GNB1: variants seen among roughly 807,000 people sequenced by gnomAD.
GNB1 encodes guanine nucleotide-binding protein G(I)/G(S)/G(T) subunit beta-1.
Under a neutral mutation model 42.9 loss-of-function variants are expected in GNB1, and 2 were observed. The observed-to-expected ratio is 0.05, with a 90% CI of 0.02 to 0.15. The LOEUF is 0.15. Among genes scored for constraint, GNB1 ranks in the 10% least tolerant of loss-of-function variants. GNB1 has a pLI of 1.00. For missense variants in GNB1, 193 were observed against 462.2 expected (o/e 0.42, Z 5.34); for synonymous variants, 183 against 174.7 (o/e 1.05, Z -0.38).
intron 3 of GNB1, chr1:1,818,535 G>C: frequency 6.6e-6 from 1 of 151,884 alleles, no homozygotes; most frequent in East Asian, 1.9e-4. Context: ...AACAAAGTGA[G>C]ACCTTGTCTC....
chr1:1,880,225 G>GC (rs1267943785), intron 1 of GNB1, among the ~76,000 whole-genome samples: 1 of 152,142 alleles, frequency 6.6e-6, no homozygotes, highest in African/African-American at 2.4e-5. Flanking sequence ...GAGCTACCAT[G>GC]CCCAGCCAAG....
chr1:1,877,284 G>C (rs1178292900), intron 1 of GNB1, among the ~76,000 whole-genome samples: 1 of 139,028 alleles, frequency 7.2e-6, no homozygotes, highest in Non-Finnish European at 1.5e-5. Context: ...TGGGCAATAA[G>C]TGAGACTCTG....
intron 5 of GNB1, among the ~76,000 whole-genome samples, chr1:1,806,819 C>T (rs1362100636): frequency 1.3e-5 from 2 of 152,078 alleles, no homozygotes; most frequent in Admixed American, 6.6e-5. Flanking sequence ...ATTAAAAATA[C>T]AAAAATTAGC....
intron 5 of GNB1, among the ~76,000 whole-genome samples, chr1:1,811,162 T>C (rs1268054412): frequency 1.3e-5 from 2 of 151,454 alleles, no homozygotes; most frequent in Non-Finnish European, 2.9e-5. Context: ...CTTGGCTCAC[T>C]GCAACCTCCA....
Position 1,814,884 on chromosome 1 carries a change from G to C in GNB1, c.203+872C>G, listed in dbSNP as rs552379160. Among the ~76,000 whole-genome samples, 14 of 151,456 alleles carry C rather than the reference G, an allele frequency of 9.2e-5. No individual in the cohort carries two copies. The Middle Eastern group carries it at 0.01, about 113-fold the overall frequency. On this transcript the variant is annotated intron_variant, in intron 5 of 11. Coordinates refer to ENST00000378609, the MANE Select transcript of GNB1 (RefSeq NM_002074.5). ...TCCCATCACTTTGGGAGGCCGAGGC[G>C]GGTGGATCGTGAAGTCAGGAGATCC...
At chr1:1,869,184 T>TC (rs1649111917) in intron 1 of GNB1, among the ~76,000 whole-genome samples, 1 of 36,306 alleles carries the variant, frequency 2.8e-5, no homozygotes, top group African/African-American at 1.3e-4. Context: ...AGACACCTTC[T>TC]CAAAAAAAAA....
chr1:1,818,762 C>T (rs544815505), intron 3 of GNB1, among the ~76,000 whole-genome samples: 1 of 152,196 alleles, frequency 6.6e-6, no homozygotes, highest in South Asian at 2.1e-4. Context: ...ACTCAGGAGG[C>T]TGAGGCAGGA....
At chr1:1,843,829 G>A (rs1041942266) in intron 1 of GNB1, among the ~76,000 whole-genome samples, 13 of 152,134 alleles carry the variant, frequency 8.5e-5, no homozygotes, top group African/African-American at 3.1e-4. Context: ...GGAGGCCGAG[G>A]CGGGTGGATC....
chr1:1,863,346 A>G (rs976227123), intron 1 of GNB1, among the ~76,000 whole-genome samples: 1 of 152,192 alleles, frequency 6.6e-6, no homozygotes, highest in Non-Finnish European at 1.5e-5. Context: ...AACCTGAGTA[A>G]TATGTGAGAT....
At chr1:1,871,874 C>A (rs1470108357) in intron 1 of GNB1, among the ~76,000 whole-genome samples, 1 of 152,202 alleles carries the variant, frequency 6.6e-6, no homozygotes, top group African/African-American at 2.4e-5. Context: ...CATTTCTTCC[C>A]ATTTCCTTAG....
intron 3 of GNB1, among the ~76,000 whole-genome samples, chr1:1,822,784 A>T (rs1392249787): frequency 2.6e-5 from 4 of 152,084 alleles, no homozygotes; most frequent in African/African-American, 7.2e-5. Context: ...TTAATTTTTT[A>T]AATTTGGGTG....
At position 1,863,730 on chromosome 1, in the gene GNB1, C is replaced by A. The variant is rs553893599; in HGVS notation, c.-95-24492G>T. Among the ~76,000 whole-genome samples, 70 of 152,336 alleles carry A rather than the reference C, an allele frequency of 4.6e-4. 1 individual carries two copies. Among genetic ancestry groups the A allele is most frequent in the South Asian group, 3.5e-3 (17 of 4,830 alleles). On this transcript the variant is annotated intron_variant, in intron 1 of 11. Transcript: ENST00000378609. ...ACACCCAAATTTCAGATATCACACA[C>A]AGTAAGATTTCAAAGGAGATTTAAG...
At position 1,877,316 on chromosome 1, in the gene GNB1, A is replaced by AATAT. The variant is rs1553206589; in HGVS notation, c.-96+13500_-96+13503dup. On this transcript the variant is annotated intron_variant, in intron 1 of 11. Transcript: ENST00000378609. Reference sequence around the variant, plus strand: ...TCTGTCTCAAAAAAAAAAAAAAAAAAATATATATATATATACACACACACA... The same window carrying AATAT: ...TCTGTCTCAAAAAAAAAAAAAAAAAAATATATATATATATATATACACACACACA... Among the ~76,000 whole-genome samples, 249 of 121,616 alleles carry AATAT rather than the reference A, an allele frequency of 2.0e-3. 3 individuals are homozygous for AATAT. The highest frequency in any genetic ancestry group is 0.016 in the Middle Eastern group (4 of 254). 79.8% of individuals were successfully genotyped at this position (121,616 alleles called of 152,430 possible).
chr1:1,871,962 G>A (rs776935352), intron 1 of GNB1, among the ~76,000 whole-genome samples: 17 of 151,040 alleles, frequency 1.1e-4, no homozygotes, highest in African/African-American at 1.7e-4. Flanking sequence ...CTGTGCCCCC[G>A]ACAATCCATT....
intron 5 of GNB1, among the ~76,000 whole-genome samples, chr1:1,812,053 G>A (rs1367517544): frequency 7.4e-5 from 11 of 149,572 alleles, no homozygotes; most frequent in African/African-American, 1.0e-4. Context: ...GTGACAGAGC[G>A]AGACTCCGTC....
chr1:1,835,614 CAACCAGTGT>C (rs1444743761), intron 2 of GNB1, among the ~76,000 whole-genome samples: 1 of 152,162 alleles, frequency 6.6e-6, no homozygotes, highest in African/African-American at 2.4e-5. Context: ...GTAGCAGTGG[CAACCAGTGT>C]AACAGTGGAG....
At chr1:1,808,964 A>G (rs16825334) in intron 5 of GNB1, among the ~76,000 whole-genome samples, 1,914 of 152,248 alleles carry the variant, frequency 0.013, 38 homozygotes, top group African/African-American at 0.044. Context: ...TAACTATTTC[A>G]GCTGTGAACA....
chr1:1,797,515 T>C (rs899752958), intron 7 of GNB1, among the ~76,000 whole-genome samples: 9 of 152,086 alleles, frequency 5.9e-5, no homozygotes, highest in African/African-American at 2.2e-4. Flanking sequence ...CTCTGCTCAC[T>C]GCAACCTCCG....
At chr1:1,791,086 T>C (rs1045224724) in intron 8 of GNB1, among the ~76,000 whole-genome samples, 1 of 151,738 alleles carries the variant, frequency 6.6e-6, no homozygotes, top group African/African-American at 2.4e-5. Context: ...GGTAAACAAA[T>C]GGCTCACAGC....
Sources: gnomAD v4.1 joint callset for allele counts (sites outside exome capture counted in the v4.1 genomes callset) on GRCh38, gnomAD v4.1.1 for gene constraint, MANE v1.5 for transcripts, NCBI Gene and HGNC (gene_info 2026-07-23, HGNC 2026-07-21) for gene names.